Variants in RBFOX1 observed in about 807,000 individuals in gnomAD.
The protein encoded by RBFOX1 is RNA binding protein fox-1 homolog 1.
RBFOX1 carries 8 observed loss-of-function variants against 57.7 expected under a neutral mutation model. The observed-to-expected ratio is 0.14, with a 90% CI of 0.08 to 0.25. RBFOX1 has a LOEUF of 0.25. Among genes scored for constraint, RBFOX1 ranks in the 10% least tolerant of loss-of-function variants. RBFOX1 has a pLI of 1.00. For synonymous variants in RBFOX1, 326 were observed against 222.4 expected, an observed-to-expected ratio of 1.47 and a Z score of -4.15; for missense variants, 611 against 548.5, an observed-to-expected ratio of 1.11 and a Z score of -1.14.
intron 1 of RBFOX1, among the ~76,000 whole-genome samples, chr16:5,373,998 A>G (rs1027385505): frequency 7.9e-5 from 12 of 152,078 alleles, no homozygotes; most frequent in Non-Finnish European, 1.6e-4. Flanking sequence ...GCTCACTGCA[A>G]CCTCCAGCTT....
intron 2 of RBFOX1, among the ~76,000 whole-genome samples, chr16:6,502,927 T>C (rs902884620): frequency 3.3e-5 from 5 of 152,212 alleles, no homozygotes; most frequent in Non-Finnish European, 7.3e-5. Context: ...TGTAGCCACT[T>C]AAAGGATGAA....
At position 7,149,170 on chromosome 16, in the gene RBFOX1, T is replaced by C. The variant is rs139554949; in HGVS notation, c.27+97072T>C. Among the ~76,000 whole-genome samples the C allele has an allele frequency of 1.2e-3, 182 of 152,238 alleles. 1 individual carries two copies. Among genetic ancestry groups the C allele is most frequent in the African/African-American group, 4.2e-3 (174 of 41,546 alleles). On this transcript the variant is annotated intron_variant, in intron 4 of 15. Transcript: ENST00000550418. ...TTGGAAATCATTTCCTACTGCCCAGTTTCCCCAATTCTCCTCCTTCATGTT... is the reference window on the plus strand; with the variant it reads ...TTGGAAATCATTTCCTACTGCCCAGCTTCCCCAATTCTCCTCCTTCATGTT...
chr16:5,626,662 C>A (rs899371586), intron 3 of RBFOX1, among the ~76,000 whole-genome samples: 1 of 152,038 alleles, frequency 6.6e-6, no homozygotes, highest in Non-Finnish European at 1.5e-5. Context: ...ACACGAGCTC[C>A]GATATTCATC....
In RBFOX1 at chr16:7,344,436, T is replaced by G. The variant is rs2096955731; in HGVS notation, c.28-173711T>G. On this transcript the variant is annotated intron_variant, in intron 4 of 15. Transcript: ENST00000550418. ...AATAATATATGCAATAATATGTATT[T>G]TATGTAACACATAGTTATAAATATA... Among the ~76,000 whole-genome samples the G allele has an allele frequency of 2.0e-5, 3 of 150,152 alleles. No homozygotes were observed. In the South Asian group the frequency reaches 6.3e-4, roughly 31 times the overall value.
chr16:5,967,519 A>G lies in RBFOX1; in HGVS notation c.351+100184A>G, dbSNP rs578120627. 4.6e-5 allele frequency among the ~76,000 whole-genome samples: 7 copies of G among 152,292 alleles called. No individual in the cohort carries two copies. In the South Asian group the frequency reaches 1.4e-3, roughly 32 times the overall value. ...CTGAGTGCTAGAGATGCTCATTGTT[A>G]CTGAGTTATTCATCGTTTCTATGCC... On this transcript the variant is annotated intron_variant, in intron 4 of 19. Transcript: ENST00000641259.
intron 5 of RBFOX1, among the ~76,000 whole-genome samples, chr16:7,565,081 C>T (rs373101505): frequency 6.6e-6 from 1 of 152,104 alleles, no homozygotes; most frequent in Non-Finnish European, 1.5e-5. Context: ...AGGATCTGCA[C>T]GAGCCCCGTT....
chr16:6,965,141 C>G (rs2083837352), intron 3 of RBFOX1, among the ~76,000 whole-genome samples: 1 of 151,940 alleles, frequency 6.6e-6, no homozygotes. Flanking sequence ...TTCTCGGGGC[C>G]AAGGGCAACT....
intron 3 of RBFOX1, among the ~76,000 whole-genome samples, chr16:6,852,238 A>G (rs2094111555): frequency 6.6e-6 from 1 of 152,122 alleles, no homozygotes; most frequent in South Asian, 2.1e-4. Flanking sequence ...TGTAGTGGCT[A>G]CATGACTGCA....
intron 4 of RBFOX1, among the ~76,000 whole-genome samples, chr16:7,482,964 A>G (rs919112148): frequency 2.0e-5 from 3 of 152,162 alleles, no homozygotes; most frequent in African/African-American, 7.2e-5. Flanking sequence ...TCACCTGGCT[A>G]GGAGATCTGA....
intron 1 of RBFOX1, among the ~76,000 whole-genome samples, chr16:5,376,059 T>G (rs1399665632): frequency 6.6e-6 from 1 of 151,948 alleles, no homozygotes; most frequent in African/African-American, 2.4e-5. Context: ...TTCTAGCTAC[T>G]TGGGAGGCTG....
At chr16:5,958,462 G>C (rs1312283452) in intron 4 of RBFOX1, among the ~76,000 whole-genome samples, 4 of 152,034 alleles carry the variant, frequency 2.6e-5, no homozygotes, top group Admixed American at 2.0e-4. Flanking sequence ...CCATTCCATG[G>C]GTCTGCCAAT....
chr16:7,579,112 T>G (rs535395033), intron 5 of RBFOX1, among the ~76,000 whole-genome samples: 1 of 152,342 alleles, frequency 6.6e-6, no homozygotes, highest in South Asian at 2.1e-4. Context: ...CAAACAAAGT[T>G]AAATATCTTG....
chr16:7,563,355 C>T (rs565915559), intron 5 of RBFOX1, among the ~76,000 whole-genome samples: 1 of 152,296 alleles, frequency 6.6e-6, no homozygotes, highest in Non-Finnish European at 1.5e-5. Context: ...AAGTAACCTG[C>T]TGCAGTTCAC....
chr16:6,015,812 C>T (rs947538963), upstream of RBFOX1, among the ~76,000 whole-genome samples: 1 of 152,190 alleles, frequency 6.6e-6, no homozygotes, highest in Non-Finnish European at 1.5e-5. Context: ...GCTCCTGCTC[C>T]GTATTGGCCA....
At chr16:5,710,082 T>C (rs1274448703) in intron 3 of RBFOX1, among the ~76,000 whole-genome samples, 1 of 150,890 alleles carries the variant, frequency 6.6e-6, no homozygotes, top group Non-Finnish European at 1.5e-5. Flanking sequence ...AGCTCCTGAG[T>C]GGCTGGATAA....
chr16:6,667,673 G>T (rs1298954356), intron 3 of RBFOX1, among the ~76,000 whole-genome samples: 5 of 152,024 alleles, frequency 3.3e-5, no homozygotes, highest in African/African-American at 1.2e-4. Context: ...TTGAGCTCGG[G>T]AGTTTGAGAT....
In RBFOX1 at chr16:5,867,958, C is replaced by T. The variant is rs542554823; in HGVS notation, c.351+623C>T. On this transcript the variant is annotated intron_variant, in intron 4 of 19. Coordinates refer to the RBFOX1 transcript ENST00000641259. ...AACTCCTGGCCTCAAGTGATCTGCT[C>T]GCCTCAGCCTCCTAAAATGCAGGGA... Among the ~76,000 whole-genome samples, 17 of 152,258 alleles carry T rather than the reference C, an allele frequency of 1.1e-4. No homozygotes were observed. In the East Asian group the frequency reaches 1.5e-3, roughly 14 times the overall value.
At chr16:6,658,076 G>C (rs1333532913) in intron 3 of RBFOX1, among the ~76,000 whole-genome samples, 1 of 151,890 alleles carries the variant, frequency 6.6e-6, no homozygotes, top group South Asian at 2.1e-4. Context: ...AAAACCTTAG[G>C]TTTTCCATGG....
At chr16:7,007,287 C>A (rs2093357861) in intron 3 of RBFOX1, among the ~76,000 whole-genome samples, 1 of 152,162 alleles carries the variant, frequency 6.6e-6, no homozygotes, top group African/African-American at 2.4e-5. Flanking sequence ...TCTTCCAACT[C>A]ATAGTCAGCA....
Sources: allele counts gnomAD v4.1 joint callset (sites outside exome capture counted in the v4.1 genomes callset), GRCh38; gene constraint gnomAD v4.1.1; transcripts MANE v1.5; gene names NCBI Gene and HGNC (gene_info 2026-07-23, HGNC 2026-07-21).